The following FAM135A variants were observed in gnomAD, a reference collection of about 807,000 sequenced individuals.
FAM135A encodes the protein protein FAM135A.
Under a neutral mutation model 146.8 loss-of-function variants are expected in FAM135A, and 79 were observed. That is an observed-to-expected ratio of 0.54 (90% CI 0.45 to 0.65). FAM135A has a LOEUF of 0.65. Ranked by LOEUF, FAM135A falls within the 30% of genes least tolerant of loss-of-function variation. The probability of loss-of-function intolerance (pLI) is 0.00; values close to 1 mark genes in which losing one functional copy is unlikely to be tolerated. For missense variants in FAM135A, 1,623 were observed against 1,758.2 expected (o/e 0.92, Z 1.38); for synonymous variants, 562 against 603.6 (o/e 0.93, Z 1.01).
intron 11 of FAM135A, among the ~76,000 whole-genome samples, chr6:70,493,413 A>G (rs1367730386): frequency 6.6e-6 from 1 of 152,222 alleles, no homozygotes; most frequent in African/African-American, 2.4e-5. Context: ...GTTTAAAAAT[A>G]ACATATGTAT....
chr6:70,480,160 T>G (rs1308086497), intron 8 of FAM135A, among the ~76,000 whole-genome samples: 1 of 152,186 alleles, frequency 6.6e-6, no homozygotes, highest in African/African-American at 2.4e-5. Flanking sequence ...GAAATATGCT[T>G]CTTCCTCTAT....
intron 2 of FAM135A, among the ~76,000 whole-genome samples, chr6:70,423,923 C>A (rs1445531043): frequency 2.6e-5 from 4 of 152,200 alleles, no homozygotes; most frequent in Non-Finnish European, 4.4e-5. Context: ...GTTATCTACT[C>A]CTCCTCCATC....
At chr6:70,540,823 A>T (rs974419277) in intron 20 of FAM135A, among the ~76,000 whole-genome samples, 1 of 152,210 alleles carries the variant, frequency 6.6e-6, no homozygotes, top group Non-Finnish European at 1.5e-5. Flanking sequence ...ACAGACATGC[A>T]GAATCAGCAG....
chr6:70,521,185 CTA>C (rs748225303), intron 12 of FAM135A, among the ~76,000 whole-genome samples: 24 of 151,932 alleles, frequency 1.6e-4, no homozygotes, highest in Non-Finnish European at 2.8e-4. Flanking sequence ...AGTGTGGAGA[CTA>C]TGAGGTAGAG....
chr6:70,536,155 AT>A, intron 18 of FAM135A, 104 bp from the exon 19 acceptor site: 1 of 1,081,564 alleles, frequency 9.2e-7, no homozygotes, highest in South Asian at 1.9e-5. Context: ...AACATTAGAA[AT>A]TTTCAAATTG....
At chr6:70,537,319 G>A (rs931029248) in intron 19 of FAM135A, among the ~76,000 whole-genome samples, 9 of 152,102 alleles carry the variant, frequency 5.9e-5, no homozygotes, top group African/African-American at 2.2e-4. Context: ...CCCACTGTGA[G>A]AATAAATTAT....
intron 2 of FAM135A, among the ~76,000 whole-genome samples, chr6:70,415,958 T>TA (rs1767460930): frequency 6.6e-6 from 1 of 152,208 alleles, no homozygotes; most frequent in South Asian, 2.1e-4. Context: ...TATAAATACT[T>TA]AGTTTTTATC....
At chr6:70,457,948 T>G (rs1366702149) in intron 5 of FAM135A, among the ~76,000 whole-genome samples, 2 of 152,104 alleles carry the variant, frequency 1.3e-5, no homozygotes, top group Non-Finnish European at 2.9e-5. Context: ...TACGATCAGT[T>G]GCATATAATA....
intron 4 of FAM135A, among the ~76,000 whole-genome samples, chr6:70,450,171 T>C (rs1776713932): frequency 1.3e-5 from 2 of 152,210 alleles, no homozygotes; most frequent in South Asian, 4.1e-4. Context: ...CCTTATCAGA[T>C]GTATGGTTTG....
intron 2 of FAM135A, among the ~76,000 whole-genome samples, chr6:70,422,837 A>C (rs976945666): frequency 1.3e-5 from 2 of 152,226 alleles, no homozygotes; most frequent in Non-Finnish European, 2.9e-5. Context: ...GGAATATAGC[A>C]GTGAACAAAG....
Position 70,526,224 on chromosome 6 carries a change from G to T in FAM135A, c.3140G>T (p.Ser1047Ile), listed in dbSNP as rs765770230. ...GTGGAAAATTATTTTGGTTCTCAAAGCAGTACGGATATTTCTGACACATGT... is the reference window on the plus strand; with the variant it reads ...GTGGAAAATTATTTTGGTTCTCAAATCAGTACGGATATTTCTGACACATGT... Reference protein sequence around the residue: ...GLVENYFGSQSSTDISDTCAV... With the variant: ...GLVENYFGSQISTDISDTCAV... The change falls in exon 15 of 22, where the codon AGC (serine) becomes ATC (isoleucine). Residue 1047 changes from serine (S) to isoleucine (I), a missense_variant. Transcript: ENST00000418814. 2 of 1,613,370 alleles carry T rather than the reference G, an allele frequency of 1.2e-6. No individual in the cohort carries two copies. Among genetic ancestry groups the T allele is most frequent in the East Asian group, 2.2e-5 (1 of 44,878 alleles).
At chr6:70,484,746 CCTG>C (rs1235529567) in intron 10 of FAM135A, among the ~76,000 whole-genome samples, 1 of 152,226 alleles carries the variant, frequency 6.6e-6, no homozygotes, top group Admixed American at 6.5e-5. Flanking sequence ...TGCTTGCTCG[CCTG>C]CTGCTCACCT....
At chr6:70,459,700 AT>A (rs1562460194) in intron 5 of FAM135A, among the ~76,000 whole-genome samples, 1 of 152,040 alleles carries the variant, frequency 6.6e-6, no homozygotes, top group South Asian at 2.1e-4. Flanking sequence ...CTGGAAAAAA[AT>A]TTTTTATCAA....
chr6:70,550,069 C>T (rs1799540300), intron 20 of FAM135A, among the ~76,000 whole-genome samples: 1 of 152,196 alleles, frequency 6.6e-6, no homozygotes, highest in Admixed American at 6.6e-5. Context: ...GCCATTCAGT[C>T]ACATCTTCAG....
At chr6:70,557,265 T>C (rs1227160439) in intron 21 of FAM135A, 1 of 268,916 alleles carries the variant, frequency 3.7e-6, no homozygotes, top group African/African-American at 2.2e-5. Context: ...TTTTGCTATT[T>C]GTGAATAACA....
rs1242891663 is a variant in FAM135A, at chr6:70,542,276, A to ACACACACACACACC, written c.4228+3876_4228+3877insACACACACACACCC. Among the ~76,000 whole-genome samples, 337 of 149,118 alleles carry ACACACACACACACC rather than the reference A, an allele frequency of 2.3e-3. 4 individuals are homozygous for ACACACACACACACC. The highest frequency in any genetic ancestry group is 6.0e-3 in the African/African-American group (243 of 40,542). On this transcript the variant is annotated intron_variant, in intron 20 of 21. Coordinates refer to ENST00000418814, the MANE Select transcript of FAM135A (RefSeq NM_001162529.3). ...CACACACACACACACACACACACAC[A>ACACACACACACACC]CCCTTTGCTGTGGTCATGCTATTCA...
intron 20 of FAM135A, among the ~76,000 whole-genome samples, chr6:70,540,179 A>G (rs1797614385): frequency 1.3e-5 from 2 of 152,026 alleles, no homozygotes; most frequent in South Asian, 2.1e-4. Flanking sequence ...ATTCCACTCC[A>G]TGTTGAACTC....
At chr6:70,506,879 G>T (rs556746857) in intron 12 of FAM135A, among the ~76,000 whole-genome samples, 1 of 151,734 alleles carries the variant, frequency 6.6e-6, no homozygotes, top group Admixed American at 6.6e-5. Context: ...GGAAGTTCTG[G>T]GAAGAGAATG....
intron 4 of FAM135A, among the ~76,000 whole-genome samples, chr6:70,430,135 G>A (rs1771194258): frequency 1.3e-5 from 2 of 151,926 alleles, no homozygotes; most frequent in Admixed American, 6.6e-5. Context: ...TCAGGAGTTC[G>A]AGACCAGCCT....
Sources: gnomAD v4.1 joint callset for allele counts (sites outside exome capture counted in the v4.1 genomes callset) on GRCh38, gnomAD v4.1.1 for gene constraint, MANE v1.5 for transcripts, NCBI Gene and HGNC (gene_info 2026-07-23, HGNC 2026-07-21) for gene names.